The following PPIF variants were observed in gnomAD, a reference collection of about 807,000 sequenced individuals.
PPIF encodes the protein peptidyl-prolyl cis-trans isomerase F, mitochondrial.
A neutral mutation model predicts 20.2 loss-of-function variants in PPIF; 23 were observed. The ratio of observed to expected loss-of-function variants is 1.14; its 90% CI spans 0.82 to 1.61. The LOEUF is 1.61. Ranked by LOEUF, PPIF falls within the 40% of genes most tolerant of loss-of-function variation. The pLI, the probability that PPIF is intolerant of heterozygous loss-of-function variation, is 0.00. For synonymous variants in PPIF, 113 were observed against 123.1 expected, an observed-to-expected ratio of 0.92 and a Z score of 0.54; for missense variants, 287 against 291.6, an observed-to-expected ratio of 0.98 and a Z score of 0.11.
chr10:79,351,915 G>C (rs1022560571), intron 4 of PPIF, among the ~76,000 whole-genome samples: 1 of 152,230 alleles, frequency 6.6e-6, no homozygotes, highest in Non-Finnish European at 1.5e-5. Context: ...TGGTCCTTAG[G>C]TCCTTTGAGG....
chr10:79,349,107 G>A lies in PPIF; in HGVS notation c.226+1G>A, dbSNP rs891609653. On this transcript the variant is annotated splice_donor_variant, in intron 2 of 5. Transcript: ENST00000225174. LOFTEE classifies it high-confidence loss of function. The stretch of plus-strand genomic sequence containing the variant: ...GCAGATGTCGTCCCAAAGACAGCTG[G>A]TAAGACAGGGCCTGGGGCCTTCTGA... 2.5e-6 allele frequency: 4 copies of A among 1,614,008 alleles called. No individual in the cohort carries two copies. Among genetic ancestry groups the A allele is most frequent in the Non-Finnish European group, 3.4e-6 (4 of 1,179,984 alleles).
At chr10:79,348,344 A>G (rs866349505) in intron 1 of PPIF, among the ~76,000 whole-genome samples, 1 of 152,090 alleles carries the variant, frequency 6.6e-6, no homozygotes, top group Non-Finnish European at 1.5e-5. Flanking sequence ...CCGGCGCCTC[A>G]ACCCCTGCCA....
At position 79,354,508 on chromosome 10, in the gene PPIF, G is replaced by A. The variant is rs1331216061; in HGVS notation, c.*666G>A. On this transcript the variant is annotated 3_prime_UTR_variant, in exon 6 of 6. Coordinates refer to ENST00000225174, the MANE Select transcript of PPIF (RefSeq NM_005729.4). ...GAACCTGGGAACAAACCTCACTTGAGCTGTGCCTAGACAATGTGAATTCCT... is the reference window on the plus strand; with the variant it reads ...GAACCTGGGAACAAACCTCACTTGAACTGTGCCTAGACAATGTGAATTCCT... 1.3e-5 allele frequency: 2 copies of A among 153,560 alleles called. No individual in the cohort carries two copies. Among genetic ancestry groups the A allele is most frequent in the Non-Finnish European group, 2.9e-5 (2 of 68,602 alleles). 9.5% of individuals were successfully genotyped at this position (153,560 alleles called of 1,614,324 possible). A position where few individuals can be genotyped will look rare whatever the true frequency, so the allele number is the denominator to read the frequency against.
chr10:79,353,532 G>C (rs1856007767), intron 5 of PPIF, 175 bp from the exon 6 acceptor site: 1 of 1,104,746 alleles, frequency 9.1e-7, no homozygotes, highest in Middle Eastern at 2.1e-4. Context: ...GGCATCCTCT[G>C]GGGTGTATTT....
chr10:79,347,766 C>T, intron 1 of PPIF, 23 bp downstream of exon 1: 3 of 1,296,948 alleles, frequency 2.3e-6, no homozygotes, highest in Non-Finnish European at 3.0e-6. Flanking sequence ...GCAGGGCCGG[C>T]CTGGGCGCGG....
At chr10:79,351,073 G>C (rs898870150) in intron 3 of PPIF, among the ~76,000 whole-genome samples, 1 of 152,190 alleles carries the variant, frequency 6.6e-6, no homozygotes, top group Non-Finnish European at 1.5e-5. Context: ...TCGGCCTGGG[G>C]AGCTGGTCTG....
At chr10:79,353,181 A>G (rs1856003721) in intron 5 of PPIF, among the ~76,000 whole-genome samples, 1 of 152,210 alleles carries the variant, frequency 6.6e-6, no homozygotes, top group Non-Finnish European at 1.5e-5. Context: ...ATGGGACCCC[A>G]GTGGATCCTG....
chr10:79,349,779 G>T lies in PPIF; in HGVS notation c.315+26G>T, dbSNP rs2233720. 1.9e-6 allele frequency: 3 copies of T among 1,613,426 alleles called. No homozygotes were observed. The highest frequency in any genetic ancestry group is 2.2e-5 in the South Asian group (2 of 91,032). On this transcript the variant is annotated intron_variant, in intron 3 of 5. Coordinates refer to ENST00000225174, the MANE Select transcript of PPIF (RefSeq NM_005729.4). ...GTAATGTAGTTTCCTCTTCTGTAAGGGGGGATGAGAGCAGGAGCTGCCTTG... is the reference window on the plus strand; with the variant it reads ...GTAATGTAGTTTCCTCTTCTGTAAGTGGGGATGAGAGCAGGAGCTGCCTTG...
At position 79,347,548 on chromosome 10, in the gene PPIF, G is replaced by T; in HGVS notation, c.-1G>T. On this transcript the variant is annotated 5_prime_UTR_variant, in exon 1 of 6. Coordinates refer to ENST00000225174, the MANE Select transcript of PPIF (RefSeq NM_005729.4). ...CGTGTCCCGCCCGACCCGCGCCCGC[G>T]ATGCTGGCGCTGCGCTGCGGCTCCC... 1.5e-6 allele frequency: 2 copies of T among 1,303,336 alleles called. No homozygotes were observed. The highest frequency in any genetic ancestry group is 1.9e-6 in the Non-Finnish European group (2 of 1,030,620). The allele number at this position is 1,303,336 out of a possible 1,614,324, so 80.7% of individuals were successfully genotyped here. A position where few individuals can be genotyped will look rare whatever the true frequency, so the allele number is the denominator to read the frequency against.
At chr10:79,351,842 C>G in intron 4 of PPIF, 1 of 440,480 alleles carries the variant, frequency 2.3e-6, no homozygotes, top group Admixed American at 4.0e-5. Context: ...GCCCTGGCCA[C>G]CTCCCTGTTT....
chr10:79,351,679 C>T (rs1485492469), intron 4 of PPIF, 96 bp downstream of exon 4: 3 of 1,125,024 alleles, frequency 2.7e-6, no homozygotes, highest in South Asian at 2.8e-5. Flanking sequence ...AGTCACCGTC[C>T]AGTATCTGAT....
Position 79,354,090 on chromosome 10 carries a change from C to G in PPIF, c.*248C>G. 1.9e-6 allele frequency: 1 copy of G among 525,274 alleles called. No individual in the cohort carries two copies. Among genetic ancestry groups the G allele is most frequent in the East Asian group, 3.3e-5 (1 of 29,910 alleles). 32.5% of individuals were successfully genotyped at this position (525,274 alleles called of 1,614,324 possible). A position where few individuals can be genotyped will look rare whatever the true frequency, so the allele number is the denominator to read the frequency against. On this transcript the variant is annotated 3_prime_UTR_variant, in exon 6 of 6. Coordinates refer to ENST00000225174, the MANE Select transcript of PPIF (RefSeq NM_005729.4). ...GGACATGATGTCACCCACCCCTTGT[C>G]AAGCATTGCCTGTGATTGCCCAGCC... is the stretch of plus-strand genomic sequence containing the variant.
intron 3 of PPIF, 30 bp downstream of exon 3, chr10:79,349,783 G>A (rs78055763): frequency 5.6e-6 from 9 of 1,613,278 alleles, no homozygotes; most frequent in South Asian, 2.2e-5. Flanking sequence ...TGTAAGGGGG[G>A]ATGAGAGCAG....
chr10:79,353,563 A>G lies in PPIF; in HGVS notation c.489-144A>G, dbSNP rs550384590. 2.1e-6 allele frequency: 3 copies of G among 1,452,764 alleles called. No homozygotes were observed. The East Asian group carries it at 6.9e-5, about 33-fold the overall frequency. 90.0% of individuals were successfully genotyped at this position (1,452,764 alleles called of 1,614,324 possible). On this transcript the variant is annotated intron_variant, in intron 5 of 5. Transcript: ENST00000225174. The stretch of plus-strand genomic sequence containing the variant: ...TATTTGGGGCGCTCAACAAGGCTTG[A>G]TCGAGCTTTGGGGGTAGATCTAGCT...
intron 1 of PPIF, among the ~76,000 whole-genome samples, chr10:79,348,346 C>A (rs1440179204): frequency 6.6e-6 from 1 of 152,210 alleles, no homozygotes; most frequent in East Asian, 1.9e-4. Context: ...GGCGCCTCAA[C>A]CCCTGCCACT....
At chr10:79,353,637 A>C in intron 5 of PPIF, 70 bp from the exon 6 acceptor site, 1 of 1,610,988 alleles carries the variant, frequency 6.2e-7, no homozygotes, top group Non-Finnish European at 8.5e-7. Context: ...AACTAATTCC[A>C]TGACCAGGTC....
At chr10:79,351,115 T>TG (rs1855976307) in intron 3 of PPIF, among the ~76,000 whole-genome samples, 1 of 152,170 alleles carries the variant, frequency 6.6e-6, no homozygotes, top group Non-Finnish European at 1.5e-5. Context: ...CAGACTAGAC[T>TG]CGGGAACTGG....
intron 1 of PPIF, among the ~76,000 whole-genome samples, 175 bp from the exon 2 acceptor site, chr10:79,348,901 C>G (rs1190403169): frequency 1.3e-5 from 2 of 152,202 alleles, no homozygotes; most frequent in Admixed American, 6.5e-5. Flanking sequence ...GGAAACGGCT[C>G]CCAGAAATGA....
At chr10:79,349,535 C>T (rs569958772) in intron 2 of PPIF, 130 bp from the exon 3 acceptor site, 12 of 1,489,042 alleles carry the variant, frequency 8.1e-6, no homozygotes, top group Non-Finnish European at 1.1e-5. Flanking sequence ...CAGAGCAGAC[C>T]CAAGAGGTGG....
Sources: gnomAD v4.1 joint callset for allele counts (sites outside exome capture counted in the v4.1 genomes callset) on GRCh38, gnomAD v4.1.1 for gene constraint, MANE v1.5 for transcripts, NCBI Gene and HGNC (gene_info 2026-07-23, HGNC 2026-07-21) for gene names.